Variants in NLRC4 observed in about 807,000 individuals in gnomAD.
NLRC4 encodes the protein NLR family CARD domain containing 4.
A neutral mutation model predicts 79.9 loss-of-function variants in NLRC4; 63 were observed. The observed-to-expected ratio is 0.79, with a 90% CI of 0.64 to 0.97. NLRC4 has a LOEUF of 0.97. NLRC4 is among the 50% of genes least tolerant of loss of function. The pLI, the probability that NLRC4 is intolerant of heterozygous loss-of-function variation, is 0.00. For missense variants in NLRC4, 1,074 were observed against 1,215.2 expected (o/e 0.88, Z 1.73); for synonymous variants, 461 against 456.5 (o/e 1.01, Z -0.12).
rs1004983702 is a variant in NLRC4 at position 32,242,373 on chromosome 2, A to G, written c.2258-1248T>C. On this transcript the variant is annotated intron_variant, in intron 4 of 8. Coordinates refer to ENST00000402280, the MANE Select transcript of NLRC4 (RefSeq NM_001199138.2). ...ATATTAAAAGGACAATTAGAGAATA[A>G]TATAAACAAATCTATGCACATAAAT... is the stretch of plus-strand genomic sequence containing the variant. 3.3e-5 allele frequency among the ~76,000 whole-genome samples: 5 copies of G among 152,246 alleles called. No individual in the cohort carries two copies. In the East Asian group the frequency reaches 9.6e-4, roughly 29 times the overall value.
intron 5 of NLRC4, among the ~76,000 whole-genome samples, chr2:32,238,605 T>C (rs1434253039): frequency 6.6e-6 from 1 of 152,148 alleles, no homozygotes; most frequent in East Asian, 1.9e-4. Flanking sequence ...CGTAATTCTT[T>C]ACATGAATGA....
rs373688367 is a variant in NLRC4, at chr2:32,231,582, G to GGC, written c.2782+3818_2782+3819insGC. On this transcript the variant is annotated intron_variant, in intron 8 of 8. Transcript: ENST00000402280. The stretch of plus-strand genomic sequence containing the variant: ...TTTTCTATTTTTTTTTGTGGGGGGG[G>GGC]GGTGGGGGACTGGGTGTCACTCTGT... Among the ~76,000 whole-genome samples, 53 of 106,678 alleles carry GGC rather than the reference G, an allele frequency of 5.0e-4. 6 individuals carry two copies. The highest frequency in any genetic ancestry group is 1.4e-3 in the African/African-American group (41 of 28,886). 70.0% of individuals were successfully genotyped at this position (106,678 alleles called of 152,430 possible). A position where few individuals can be genotyped will look rare whatever the true frequency, so the allele number is the denominator to read the frequency against.
At position 32,251,484 on chromosome 2, in the gene NLRC4, A is replaced by T. The variant is rs369074805; in HGVS notation, c.380T>A (p.Ile127Asn). 7 of 1,614,048 alleles carry T rather than the reference A, an allele frequency of 4.3e-6. No individual in the cohort carries two copies. The African/African-American group carries it at 9.3e-5, about 22-fold the overall frequency. Residue 127 changes from isoleucine to asparagine, a missense_variant, in exon 4 of 9, where the codon ATT (isoleucine) becomes AAT (asparagine). Coordinates refer to ENST00000402280, the MANE Select transcript of NLRC4 (RefSeq NM_001199138.2). Reference protein sequence around the residue: ...FYPLGEDIDIIFNLKSTFTEP... With the variant: ...FYPLGEDIDINFNLKSTFTEP... ...TGTGAAGGTGCTTTTCAAGTTAAAA[A>T]TAATGTCAATATCTTCACCAAGGGG...
chr2:32,224,603 G>C lies in NLRC4; in HGVS notation c.2945C>G (p.Ala982Gly), dbSNP rs147896952. 309 of 1,613,826 alleles carry C rather than the reference G, an allele frequency of 1.9e-4. No homozygotes were observed. The African/African-American group carries it at 3.5e-3, about 18-fold the overall frequency. The change falls in exon 9 of 9, where the codon GCA (alanine) becomes GGA (glycine). Residue 982 changes from alanine (A) to glycine (G), a missense_variant. Transcript: ENST00000402280. ...FSTKEFLPDP[A>G]LVRKLSQVLS... ...CACTTGGCTAAGTTTTCTGACTAAT[G>C]CTGGATCAGGTAGAAATTCTTTAGT...
rs769858042 is a variant in NLRC4 at position 32,250,428 on chromosome 2, G to A, written c.1436C>T (p.Ser479Phe). ...KGNGYLQKMV[S>F]ISDITSTYSS... ...ATAAGTGGATGTAATGTCCGAAATG[G>A]AAACCATTTTCTGCAAGTAACCATT... Residue 479 changes from serine to phenylalanine, a missense_variant, in exon 4 of 9, where the codon TCC becomes TTC. Physicochemically the swap from Ser to Phe is radical, Grantham distance 155. Transcript: ENST00000402280. The surrounding 1 kb of genome is among the most constrained non-coding windows in gnomAD (Gnocchi z 4.9). 1.9e-6 allele frequency: 3 copies of A among 1,614,080 alleles called. No homozygotes were observed. In the Admixed American group the frequency reaches 5.0e-5, roughly 27 times the overall value.
rs373688367 is a variant in NLRC4, at chr2:32,231,582, G to GGT, written c.2782+3818_2782+3819insAC. 2.5e-3 allele frequency among the ~76,000 whole-genome samples: 263 copies of GGT among 106,678 alleles called. 16 individuals carry two copies. In the East Asian group the frequency reaches 0.065, roughly 26 times the overall value. 70.0% of individuals were successfully genotyped at this position (106,678 alleles called of 152,430 possible). On this transcript the variant is annotated intron_variant, in intron 8 of 8. Transcript: ENST00000402280. Reference sequence around the variant, plus strand: ...TTTTCTATTTTTTTTTGTGGGGGGGGGGTGGGGGACTGGGTGTCACTCTGT... The same window carrying GGT: ...TTTTCTATTTTTTTTTGTGGGGGGGGGTGGTGGGGGACTGGGTGTCACTCTGT...
intron 8 of NLRC4, among the ~76,000 whole-genome samples, chr2:32,225,343 G>A (rs900762024): frequency 6.6e-6 from 1 of 151,868 alleles, no homozygotes. Context: ...TTCCTACATA[G>A]GGTAGGTGGA....
At chr2:32,229,165 C>A (rs926060158) in intron 8 of NLRC4, among the ~76,000 whole-genome samples, 1 of 151,946 alleles carries the variant, frequency 6.6e-6, no homozygotes, top group African/African-American at 2.4e-5. Flanking sequence ...CATGGTGGCT[C>A]ATGCCTGTAA....
intron 3 of NLRC4, among the ~76,000 whole-genome samples, chr2:32,251,890 T>G (rs1249336246): frequency 6.6e-6 from 1 of 152,146 alleles, no homozygotes; most frequent in Non-Finnish European, 1.5e-5. Context: ...AGTAAAGAAT[T>G]TGGCAGAGAA....
intron 2 of NLRC4, among the ~76,000 whole-genome samples, chr2:32,253,264 C>T (rs147124622): frequency 0.011 from 1,632 of 151,854 alleles, 39 homozygotes; most frequent in African/African-American, 0.036. Context: ...ATTCTCCTGC[C>T]TCCGCCTCCT....
At chr2:32,253,700 C>T (rs1185738656) in intron 2 of NLRC4, among the ~76,000 whole-genome samples, 1 of 151,892 alleles carries the variant, frequency 6.6e-6, no homozygotes, top group African/African-American at 2.4e-5. Flanking sequence ...TGCGGTGGCT[C>T]ACACCTGTAA....
intron 5 of NLRC4, among the ~76,000 whole-genome samples, chr2:32,239,790 A>G (rs559723881): frequency 3.3e-5 from 5 of 152,300 alleles, no homozygotes; most frequent in African/African-American, 9.6e-5. Context: ...GAGCAAGTCA[A>G]TAAGCTATTT....
intron 1 of NLRC4, among the ~76,000 whole-genome samples, chr2:32,263,127 G>A (rs1687392086): frequency 1.3e-5 from 2 of 152,118 alleles, no homozygotes; most frequent in Admixed American, 1.3e-4. Context: ...CGTCTATGGG[G>A]TCATTCCCAC....
intron 8 of NLRC4, among the ~76,000 whole-genome samples, chr2:32,230,534 C>T (rs1206574325): frequency 1.3e-5 from 2 of 149,654 alleles, no homozygotes; most frequent in African/African-American, 2.5e-5. Context: ...TTCAGTGGCG[C>T]GATCTTGGCT....
chr2:32,237,203 TA>T (rs1686693536), intron 6 of NLRC4, among the ~76,000 whole-genome samples: 1 of 152,172 alleles, frequency 6.6e-6, no homozygotes, highest in African/African-American at 2.4e-5. Flanking sequence ...ATCTCCTTTT[TA>T]AAAAAATCAG....
intron 2 of NLRC4, among the ~76,000 whole-genome samples, chr2:32,252,984 C>T (rs1037994269): frequency 4.0e-5 from 6 of 151,774 alleles, no homozygotes; most frequent in African/African-American, 1.2e-4. Flanking sequence ...CGCCACTGCA[C>T]TCCGGCCTGG....
chr2:32,248,068 C>T (rs1279242950), intron 4 of NLRC4, among the ~76,000 whole-genome samples: 4 of 152,060 alleles, frequency 2.6e-5, no homozygotes, highest in Non-Finnish European at 4.4e-5. Flanking sequence ...GGTGGTTACA[C>T]TAAAAGCTCA....
Position 32,250,893 on chromosome 2 carries a change from T to C in NLRC4, c.971A>G (p.Gln324Arg). ...IKELAEGLLL[Q>R]IQKSRCLRNL... Reference sequence around the variant, plus strand: ...CCTCAAGCACCTGGATTTCTGAATTTGGAGCAACAAGCCTTCAGCAAGCTC... The same window carrying C: ...CCTCAAGCACCTGGATTTCTGAATTCGGAGCAACAAGCCTTCAGCAAGCTC... Residue 324 changes from glutamine to arginine, a missense_variant, in exon 4 of 9, where the codon CAA becomes CGA. By Grantham distance (43) the Gln-to-Arg change is conservative (BLOSUM62 1). Transcript: ENST00000402280. This position sits in a 1 kb window ranked among gnomAD's most constrained non-coding sequence, Gnocchi z 4.9. 6.2e-7 allele frequency: 1 copy of C among 1,614,138 alleles called. No homozygotes were observed. The highest frequency in any genetic ancestry group is 8.5e-7 in the Non-Finnish European group (1 of 1,180,028).
rs1160638213 is a variant in NLRC4 at position 32,264,107 on chromosome 2, T to C, written c.-119+631A>G. On this transcript the variant is annotated intron_variant, in intron 1 of 8. Coordinates refer to ENST00000402280, the MANE Select transcript of NLRC4 (RefSeq NM_001199138.2). ...TCCACCTCGTTCCTTTCAGCTTTGATCATCTGTGATTCTAACAACAGTCTT... is the reference window on the plus strand; with the variant it reads ...TCCACCTCGTTCCTTTCAGCTTTGACCATCTGTGATTCTAACAACAGTCTT... 2.6e-5 allele frequency among the ~76,000 whole-genome samples: 4 copies of C among 152,228 alleles called. No homozygotes were observed. The East Asian group carries it at 5.8e-4, about 22-fold the overall frequency.
Sources: allele counts gnomAD v4.1 joint callset (sites outside exome capture counted in the v4.1 genomes callset), GRCh38; gene constraint gnomAD v4.1.1; non-coding constraint Gnocchi (gnomAD v3.1); transcripts MANE v1.5; gene names NCBI Gene and HGNC (gene_info 2026-07-23, HGNC 2026-07-21).